MLLT3: variants seen among roughly 807,000 people sequenced by gnomAD.
MLLT3 encodes MLLT3 super elongation complex subunit, also known as protein AF-9.
A neutral mutation model predicts 53.2 loss-of-function variants in MLLT3; 4 were observed. That is an observed-to-expected ratio of 0.08 (90% CI 0.04 to 0.17). The LOEUF (loss-of-function observed/expected upper bound fraction) is 0.17. Ranked by LOEUF, MLLT3 falls within the 10% of genes least tolerant of loss-of-function variation. The probability of loss-of-function intolerance (pLI) is 1.00; values close to 1 mark genes in which losing one functional copy is unlikely to be tolerated. For synonymous variants in MLLT3, 283 were observed against 230.6 expected (o/e 1.23, Z -2.06); for missense variants, 569 against 684.0 (o/e 0.83, Z 1.87).
intron 2 of MLLT3, among the ~76,000 whole-genome samples, chr9:20,606,358 G>C (rs1820569321): frequency 6.6e-6 from 1 of 151,958 alleles, no homozygotes; most frequent in African/African-American, 2.4e-5. Context: ...TGAGTGGATG[G>C]GGGAGGAAAA....
In MLLT3 at chr9:20,353,614, C is replaced by T. The variant is rs372483629; in HGVS notation, c.1504-18G>A. 1.2e-6 allele frequency: 2 copies of T among 1,607,484 alleles called. No homozygotes were observed. The highest frequency in any genetic ancestry group is 1.7e-6 in the Non-Finnish European group (2 of 1,174,038). ...AGGTATGCCTGAAAGAGAAGAATGTCCCCGAAAAGGACAAGCACTTTAAGT... is the reference window on the plus strand; with the variant it reads ...AGGTATGCCTGAAAGAGAAGAATGTTCCCGAAAAGGACAAGCACTTTAAGT... On this transcript the variant is annotated intron_variant, in intron 9 of 10. Transcript: ENST00000380338.
chr9:20,375,792 T>G (rs1821751054), intron 5 of MLLT3, among the ~76,000 whole-genome samples: 1 of 151,750 alleles, frequency 6.6e-6, no homozygotes, highest in Admixed American at 6.6e-5. Context: ...GTATTTTTAG[T>G]AGAGACGGGG....
chr9:20,596,618 G>C, intron 2 of MLLT3, among the ~76,000 whole-genome samples: 1 of 152,172 alleles, frequency 6.6e-6, no homozygotes, highest in Non-Finnish European at 1.5e-5. Context: ...TTGAGCCCAG[G>C]AGCTGGAGGT....
At chr9:20,504,814 C>T (rs1434510693) in intron 2 of MLLT3, among the ~76,000 whole-genome samples, 1 of 152,016 alleles carries the variant, frequency 6.6e-6, no homozygotes, top group Non-Finnish European at 1.5e-5. Flanking sequence ...ACAATGTATA[C>T]AGATTTCCAC....
At chr9:20,371,330 A>C (rs1821595397) in intron 5 of MLLT3, among the ~76,000 whole-genome samples, 1 of 152,270 alleles carries the variant, frequency 6.6e-6, no homozygotes, top group South Asian at 2.1e-4. Flanking sequence ...ATGTAGACGA[A>C]ACAGCCTTCT....
chr9:20,450,492 T>C (rs1481956050), intron 3 of MLLT3, among the ~76,000 whole-genome samples: 1 of 152,202 alleles, frequency 6.6e-6, no homozygotes, highest in Non-Finnish European at 1.5e-5. Flanking sequence ...TATATTTCTT[T>C]TGATTTCTTA....
intron 2 of MLLT3, among the ~76,000 whole-genome samples, chr9:20,572,275 A>G (rs1049314006): frequency 1.3e-5 from 2 of 152,152 alleles, no homozygotes; most frequent in South Asian, 4.1e-4. Context: ...GGAAGGAATA[A>G]GTTCTGGAGA....
At chr9:20,389,895 C>G (rs1174227741) in intron 5 of MLLT3, among the ~76,000 whole-genome samples, 1 of 152,126 alleles carries the variant, frequency 6.6e-6, no homozygotes, top group Non-Finnish European at 1.5e-5. Context: ...TTGACAATTG[C>G]TCATTAAATT....
chr9:20,597,500 C>T (rs1820304866), intron 2 of MLLT3, among the ~76,000 whole-genome samples: 2 of 151,872 alleles, frequency 1.3e-5, no homozygotes, highest in Middle Eastern at 3.2e-3. Flanking sequence ...ACAAATTTAC[C>T]TTCATATACT....
chr9:20,588,633 CCTCT>C (rs1397440163), intron 2 of MLLT3, among the ~76,000 whole-genome samples: 5 of 152,052 alleles, frequency 3.3e-5, no homozygotes, highest in African/African-American at 7.2e-5. Flanking sequence ...TCATGATTTG[CCTCT>C]CTGTTTGTCT....
rs56934102 is a variant in MLLT3 at position 20,343,214 on chromosome 9, A to AAAAAAAAAAAAAAAAAATTTT, written c.*3228_*3229insAAAATTTTTTTTTTTTTTTTT. The stretch of plus-strand genomic sequence containing the variant: ...AAAAAAAAAAAAAAAAAAAAAAAAA[A>AAAAAAAAAAAAAAAAAATTTT]TTTTGAAGAAACTTTTTAGTGGAAG... On this transcript the variant is annotated 3_prime_UTR_variant, in exon 11 of 11. Coordinates refer to ENST00000380338, the MANE Select transcript of MLLT3 (RefSeq NM_004529.4). The AAAAAAAAAAAAAAAAAATTTT allele has an allele frequency of 8.7e-6, 1 of 115,062 alleles. No individual in the cohort carries two copies. The highest frequency in any genetic ancestry group is 6.7e-5 in the African/African-American group (1 of 14,932). 7.1% of individuals were successfully genotyped at this position (115,062 alleles called of 1,614,324 possible).
rs1446547399 is a variant in MLLT3, at chr9:20,344,998, G to A, written c.*1445C>T. On this transcript the variant is annotated 3_prime_UTR_variant, in exon 11 of 11. Transcript: ENST00000380338. ...TTTCTAGTAAAAACTTTGAAGATGA[G>A]CTGTTCTTACTTTTCATTTCTCCAC... 3.2e-5 allele frequency: 7 copies of A among 216,176 alleles called. No individual in the cohort carries two copies. In the East Asian group the frequency reaches 4.1e-4, roughly 13 times the overall value. The allele number at this position is 216,176 out of a possible 1,614,324, so 13.4% of individuals were successfully genotyped here.
At chr9:20,567,592 A>G (rs1819413171) in intron 2 of MLLT3, among the ~76,000 whole-genome samples, 1 of 152,156 alleles carries the variant, frequency 6.6e-6, no homozygotes, top group Admixed American at 6.6e-5. Context: ...GGTTCCAAGA[A>G]AGCGTAACTG....
At chr9:20,535,548 A>C (rs571379403) in intron 2 of MLLT3, among the ~76,000 whole-genome samples, 2 of 152,198 alleles carry the variant, frequency 1.3e-5, no homozygotes, top group Admixed American at 6.5e-5. Context: ...GCAACCAAAA[A>C]AATCAATCAT....
chr9:20,487,831 C>A (rs1824852333), intron 2 of MLLT3, among the ~76,000 whole-genome samples: 1 of 152,050 alleles, frequency 6.6e-6, no homozygotes, highest in African/African-American at 2.4e-5. Flanking sequence ...AGTAAAAGAT[C>A]TGAGGAAAAC....
Position 20,343,868 on chromosome 9 carries a change from G to A in MLLT3, c.*2575C>T, listed in dbSNP as rs1420992790. The A allele has an allele frequency of 9.7e-6, 2 of 207,216 alleles. No homozygotes were observed. Among genetic ancestry groups the A allele is most frequent in the East Asian group, 1.5e-4 (2 of 13,588 alleles). The allele number at this position is 207,216 out of a possible 1,614,324, so 12.8% of individuals were successfully genotyped here. On this transcript the variant is annotated 3_prime_UTR_variant, in exon 11 of 11. Coordinates refer to ENST00000380338, the MANE Select transcript of MLLT3 (RefSeq NM_004529.4). ...GTATATAAATGTGACAGAACTGAAG[G>A]GGTTACTTTAAGAGAGGTATTAAAA...
At chr9:20,583,522 C>T (rs1419639300) in intron 2 of MLLT3, among the ~76,000 whole-genome samples, 2 of 152,186 alleles carry the variant, frequency 1.3e-5, no homozygotes, top group African/African-American at 4.8e-5. Context: ...GAGGGTCCCA[C>T]CCCTGCAGCA....
chr9:20,571,818 C>T (rs575856984), intron 2 of MLLT3, among the ~76,000 whole-genome samples: 1 of 152,260 alleles, frequency 6.6e-6, no homozygotes, highest in Non-Finnish European at 1.5e-5. Flanking sequence ...ATTAAAACCA[C>T]AATAAGATAT....
rs532040053 is a variant in MLLT3 at position 20,346,610 on chromosome 9, G to A, written c.1576-36C>T. ...GAAGAAGAGAAAGTTTGGGCAATAC[G>A]CAGCAAACATCAAAAGGCAAAGAGA... On this transcript the variant is annotated intron_variant, in intron 10 of 10. Transcript: ENST00000380338. The A allele has an allele frequency of 4.0e-4, 633 of 1,599,308 alleles. 10 individuals carry two copies. In the South Asian group the frequency reaches 6.5e-3, roughly 17 times the overall value.
Sources: allele counts gnomAD v4.1 joint callset (sites outside exome capture counted in the v4.1 genomes callset), GRCh38; gene constraint gnomAD v4.1.1; transcripts MANE v1.5; gene names NCBI Gene and HGNC (gene_info 2026-07-23, HGNC 2026-07-21).